Variants in ZNF557 observed in about 807,000 individuals in gnomAD.
The protein encoded by ZNF557 is zinc finger protein 557.
A neutral mutation model predicts 21.2 loss-of-function variants in ZNF557; 19 were observed. The observed-to-expected ratio is 0.90, with a 90% confidence interval of 0.63 to 1.32. The LOEUF (loss-of-function observed/expected upper bound fraction) is 1.32. ZNF557 is among the 40% of genes most tolerant of loss of function. ZNF557 has a pLI of 0.00. For synonymous variants in ZNF557, 207 were observed against 194.8 expected, an observed-to-expected ratio of 1.06 and a Z score of -0.52; for missense variants, 487 against 519.8, an observed-to-expected ratio of 0.94 and a Z score of 0.61.
At chr19:7,076,340 G>T (rs1568407193) in intron 4 of ZNF557, 41 bp from the exon 5 acceptor site, 1 of 1,614,072 alleles carries the variant, frequency 6.2e-7, no homozygotes, top group Non-Finnish European at 8.5e-7. Flanking sequence ...ACATTGGTGG[G>T]GGTGGTCCTT....
intron 2 of ZNF557, among the ~76,000 whole-genome samples, chr19:7,071,322 T>G (rs1250406668): frequency 2.6e-5 from 4 of 152,220 alleles, no homozygotes; most frequent in African/African-American, 9.7e-5. Context: ...CATGCGGTTG[T>G]TTTAATTTAA....
Position 7,085,856 on chromosome 19 carries a change from T to C in ZNF557, c.*2112T>C, listed in dbSNP as rs749963704. The C allele has an allele frequency of 9.2e-5, 14 of 152,246 alleles. No homozygotes were observed. Among genetic ancestry groups the C allele is most frequent in the Non-Finnish European group, 1.8e-4 (12 of 68,046 alleles). The allele number at this position is 152,246 out of a possible 1,614,324, so 9.4% of individuals were successfully genotyped here. On this transcript the variant is annotated 3_prime_UTR_variant, in exon 8 of 8. Transcript: ENST00000252840. Reference sequence around the variant, plus strand: ...CGTTTTATATACAGTGTATTTATTATAATTCTAAAACATCAATACACCAAA... The same window carrying C: ...CGTTTTATATACAGTGTATTTATTACAATTCTAAAACATCAATACACCAAA...
At chr19:7,075,944 A>C (rs567182349) in intron 4 of ZNF557, among the ~76,000 whole-genome samples, 3 of 152,282 alleles carry the variant, frequency 2.0e-5, no homozygotes, top group African/African-American at 7.2e-5. Flanking sequence ...CCCTGAGTAC[A>C]TCATGTGCTC....
chr19:7,075,957 G>A (rs1977580569), intron 4 of ZNF557, among the ~76,000 whole-genome samples: 1 of 152,110 alleles, frequency 6.6e-6, no homozygotes, highest in African/African-American at 2.4e-5. Flanking sequence ...ATGTGCTCCT[G>A]AGAGTTTTAA....
chr19:7,083,369 T>C lies in ZNF557; in HGVS notation c.918T>C (p.Ser306=). The part of the protein sequence containing the change: ...QCGKAFGTRS[S]LSSHYSIHTG... ...GAAAGGCTTTCGGCACGAGGTCATCTCTTTCTTCGCACTATAGCATTCATA... is the reference window on the plus strand; with the variant it reads ...GAAAGGCTTTCGGCACGAGGTCATCCCTTTCTTCGCACTATAGCATTCATA... Residue 306 remains serine (S), a synonymous_variant, in exon 8 of 8, where the codon TCT becomes TCC. Transcript: ENST00000252840. 1 of 1,614,216 alleles carries C rather than the reference T, an allele frequency of 6.2e-7. No homozygotes were observed. Among genetic ancestry groups the C allele is most frequent in the Non-Finnish European group, 8.5e-7 (1 of 1,180,052 alleles).
intron 2 of ZNF557, among the ~76,000 whole-genome samples, chr19:7,073,157 G>GTTTTTTTTTTTTTTTTTTTT (rs552141577): frequency 7.3e-6 from 1 of 136,072 alleles, no homozygotes; most frequent in African/African-American, 2.8e-5. Flanking sequence ...GGTTTTTTTT[G>GTTTTTTTTTTTTTTTTTTTT]TTTTTTTTTT....
At chr19:7,080,715 C>T (rs1977682399) in intron 5 of ZNF557, among the ~76,000 whole-genome samples, 1 of 152,184 alleles carries the variant, frequency 6.6e-6, no homozygotes, top group Non-Finnish European at 1.5e-5. Context: ...TGTCACAAAT[C>T]TCTCTTACCC....
In ZNF557 at chr19:7,083,838, G is replaced by C. The variant is rs1490411854; in HGVS notation, c.*94G>C. On this transcript the variant is annotated 3_prime_UTR_variant, in exon 8 of 8. Coordinates refer to ENST00000252840, the MANE Select transcript of ZNF557 (RefSeq NM_024341.3). ...AGATGTATGAATCACCTGCTACTGT[G>C]TAACAAATTACCCCCCAAAATTTTG... 4.8e-6 allele frequency: 7 copies of C among 1,465,838 alleles called. No individual in the cohort carries two copies. The African/African-American group carries it at 9.9e-5, about 21-fold the overall frequency. The allele number at this position is 1,465,838 out of a possible 1,614,324, so 90.8% of individuals were successfully genotyped here. A position where few individuals can be genotyped will look rare whatever the true frequency, so the allele number is the denominator to read the frequency against.
chr19:7,073,138 TG>T (rs1568405567), intron 2 of ZNF557, among the ~76,000 whole-genome samples: 31 of 131,086 alleles, frequency 2.4e-4, no homozygotes, highest in African/African-American at 8.7e-4. Flanking sequence ...TACAGATATT[TG>T]TTTTTTTGGT....
intron 5 of ZNF557, among the ~76,000 whole-genome samples, chr19:7,081,158 T>G (rs1219096653): frequency 1.9e-3 from 51 of 27,266 alleles, no homozygotes; most frequent in African/African-American, 4.7e-3. Flanking sequence ...GGGGTGTGTG[T>G]GTGTGTGTGT....
rs1198187141 is a variant in ZNF557, at chr19:7,084,721, T to A, written c.*977T>A. On this transcript the variant is annotated 3_prime_UTR_variant, in exon 8 of 8. Coordinates refer to ENST00000252840, the MANE Select transcript of ZNF557 (RefSeq NM_024341.3). ...CAGGTTAACTCACTCTAGAGAGAAA[T>A]CTTGTGAGTGTAATCTGTATGGTAA... 6.6e-6 allele frequency: 1 copy of A among 152,078 alleles called. No individual in the cohort carries two copies. The highest frequency in any genetic ancestry group is 1.9e-4 in the East Asian group (1 of 5,188). The allele number at this position is 152,078 out of a possible 1,614,324, so 9.4% of individuals were successfully genotyped here.
Position 7,083,818 on chromosome 19 carries a change from T to C in ZNF557, c.*74T>C. On this transcript the variant is annotated 3_prime_UTR_variant, in exon 8 of 8. Transcript: ENST00000252840. The stretch of plus-strand genomic sequence containing the variant: ...AACATGAGCAAACTCTAACAAGATG[T>C]ATGAATCACCTGCTACTGTGTAACA... 1 of 1,507,448 alleles carries C rather than the reference T, an allele frequency of 6.6e-7. No homozygotes were observed. The highest frequency in any genetic ancestry group is 1.3e-5 in the South Asian group (1 of 74,458). The allele number at this position is 1,507,448 out of a possible 1,614,324, so 93.4% of individuals were successfully genotyped here.
Position 7,076,517 on chromosome 19 carries a change from A to AT in ZNF557, c.247+11dup. ...AACCTGGCCTCACTGGGTAAGCCTA[A>AT]TGTCATTCCTGCATTTATTTAATGA... is the stretch of plus-strand genomic sequence containing the variant. On this transcript the variant is annotated intron_variant, in intron 5 of 7. Coordinates refer to ENST00000252840, the MANE Select transcript of ZNF557 (RefSeq NM_024341.3). 6.2e-7 allele frequency: 1 copy of AT among 1,609,872 alleles called. No individual in the cohort carries two copies. The highest frequency in any genetic ancestry group is 8.5e-7 in the Non-Finnish European group (1 of 1,178,012).
rs1030929877 is a variant in ZNF557 at position 7,082,318 on chromosome 19, G to A, written c.426+266G>A. 2.7e-5 allele frequency among the ~76,000 whole-genome samples: 4 copies of A among 150,552 alleles called. No homozygotes were observed. In the Admixed American group the frequency reaches 2.7e-4, roughly 10 times the overall value. On this transcript the variant is annotated intron_variant, in intron 7 of 7. Transcript: ENST00000252840. Reference sequence around the variant, plus strand: ...CGCACCTGTAATCCCAAATACTTGGGAAGCTGAAACAGAAGAATCACTTGA... The same window carrying A: ...CGCACCTGTAATCCCAAATACTTGGAAAGCTGAAACAGAAGAATCACTTGA...
At position 7,087,847 on chromosome 19, in the gene ZNF557, G is replaced by A. The variant is rs1017849956; in HGVS notation, c.*4103G>A. 8 of 151,774 alleles carry A rather than the reference G, an allele frequency of 5.3e-5. No homozygotes were observed. The highest frequency in any genetic ancestry group is 1.9e-4 in the African/African-American group (8 of 41,362). The allele number at this position is 151,774 out of a possible 1,614,324, so 9.4% of individuals were successfully genotyped here. On this transcript the variant is annotated 3_prime_UTR_variant, in exon 8 of 8. Coordinates refer to ENST00000252840, the MANE Select transcript of ZNF557 (RefSeq NM_024341.3). ...CAGTATACTATGTATCTAATTTTTG[G>A]ATACAGGATGGACATACGTACTCAA... is the stretch of plus-strand genomic sequence containing the variant.
Position 7,083,161 on chromosome 19 carries a change from A to C in ZNF557, c.710A>C (p.Glu237Ala), listed in dbSNP as rs1977754253. The part of the protein sequence containing the change: ...KRIHNGEKPY[E>A]CSDCGKTFSN... ...ATCCACAATGGGGAGAAACCCTACG[A>C]ATGCAGTGACTGTGGGAAAACCTTC... The change falls in exon 8 of 8, where the codon GAA (glutamate) becomes GCA (alanine). Residue 237 changes from glutamate to alanine, a missense_variant. Transcript: ENST00000252840. 1 of 1,614,092 alleles carries C rather than the reference A, an allele frequency of 6.2e-7. No individual in the cohort carries two copies. Among genetic ancestry groups the C allele is most frequent in the Admixed American group, 1.7e-5 (1 of 60,002 alleles).
chr19:7,083,774 G>A lies in ZNF557; in HGVS notation c.*30G>A. The A allele has an allele frequency of 6.4e-7, 1 of 1,564,488 alleles. No homozygotes were observed. The highest frequency in any genetic ancestry group is 1.2e-5 in the South Asian group (1 of 81,368). ...AATAACTGTGGGAAAAGCATTCATT[G>A]ATCTTTCATGCCTCAGATAACATGA... On this transcript the variant is annotated 3_prime_UTR_variant, in exon 8 of 8. Transcript: ENST00000252840.
At position 7,083,312 on chromosome 19, in the gene ZNF557, G is replaced by A. The variant is rs778315268; in HGVS notation, c.861G>A (p.Thr287=). The A allele has an allele frequency of 1.1e-5, 17 of 1,614,026 alleles. No homozygotes were observed. The highest frequency in any genetic ancestry group is 1.3e-5 in the Non-Finnish European group (15 of 1,180,032). Residue 287 remains threonine, a synonymous_variant, in exon 8 of 8, where the codon ACG becomes ACA. Transcript: ENST00000252840. ...TCACAAGGCACAAGAGAGTTCATAC[G>A]GGGGAGGGTCATTATGTATGTAATC... ...SIFTRHKRVH[T]GEGHYVCNQC...
At chr19:7,076,051 A>G (rs906481212) in intron 4 of ZNF557, among the ~76,000 whole-genome samples, 3 of 152,158 alleles carry the variant, frequency 2.0e-5, no homozygotes, top group Admixed American at 2.0e-4. Flanking sequence ...TCACTTACCA[A>G]GTATTTCTCT....
Sources: allele counts gnomAD v4.1 joint callset (sites outside exome capture counted in the v4.1 genomes callset), GRCh38; gene constraint gnomAD v4.1.1; transcripts MANE v1.5; gene names NCBI Gene and HGNC (gene_info 2026-07-23, HGNC 2026-07-21).